SLC7A8: variants seen among roughly 807,000 people sequenced by gnomAD.
SLC7A8 encodes the protein solute carrier family 7 member 8.
SLC7A8 carries 30 observed loss-of-function variants against 51.2 expected under a neutral mutation model. That is an observed-to-expected ratio of 0.59 (90% confidence interval 0.44 to 0.80). The LOEUF is 0.80. Among genes scored for constraint, SLC7A8 ranks in the 30% least tolerant of loss-of-function variants. The probability of loss-of-function intolerance (pLI) is 0.00; values close to 1 mark genes in which losing one functional copy is unlikely to be tolerated. For missense variants in SLC7A8, 612 were observed against 674.4 expected (o/e 0.91, Z 1.03); for synonymous variants, 257 against 275.8 (o/e 0.93, Z 0.67).
chr14:23,131,637 T>C, intron 7 of SLC7A8, 80 bp from the exon 8 acceptor site: 1 of 1,141,484 alleles, frequency 8.8e-7, no homozygotes, highest in Non-Finnish European at 1.2e-6. Flanking sequence ...GCCTACCTTC[T>C]GCCCACACAG....
In SLC7A8 at chr14:23,128,153, A is replaced by G; in HGVS notation, c.1307T>C (p.Phe436Ser). Residue 436 changes from phenylalanine to serine, a missense_variant, in exon 10 of 11, where the codon TTC becomes TCC. Coordinates refer to ENST00000316902, the MANE Select transcript of SLC7A8 (RefSeq NM_012244.4). This position sits in a 1 kb window ranked among gnomAD's most constrained non-coding sequence, Gnocchi z 4.3. ...FPIIYLLFWA[F>S]LLVFSLWSEP... is the part of the protein sequence containing the mutation. ...TGACCACAGGCTGAAGACCAGCAGG[A>G]AGGCCCAGAACAGCAAGTAGATGAT... is the stretch of plus-strand genomic sequence containing the variant. 1 of 1,614,196 alleles carries G rather than the reference A, an allele frequency of 6.2e-7. No individual in the cohort carries two copies. The highest frequency in any genetic ancestry group is 8.5e-7 in the Non-Finnish European group (1 of 1,180,026).
At chr14:23,147,839 C>CA (rs759607295) in intron 3 of SLC7A8, among the ~76,000 whole-genome samples, 9 of 152,196 alleles carry the variant, frequency 5.9e-5, no homozygotes, top group Non-Finnish European at 1.2e-4. Context: ...GAGGAAAACT[C>CA]AGATTCTAGC....
intron 10 of SLC7A8, 108 bp downstream of exon 10, chr14:23,127,911 G>A: frequency 1.1e-6 from 1 of 938,226 alleles, no homozygotes; most frequent in Non-Finnish European, 1.6e-6. Flanking sequence ...GGACTGAGGA[G>A]AAGGTGAGCC....
intron 3 of SLC7A8, among the ~76,000 whole-genome samples, chr14:23,144,746 T>C (rs1214745389): frequency 6.6e-6 from 1 of 152,150 alleles, no homozygotes; most frequent in Non-Finnish European, 1.5e-5. Context: ...AAGATCCAGC[T>C]TAAATGTCAC....
At chr14:23,170,245 T>C (rs1167846133) in intron 1 of SLC7A8, among the ~76,000 whole-genome samples, 1 of 152,202 alleles carries the variant, frequency 6.6e-6, no homozygotes, top group East Asian at 1.9e-4. Flanking sequence ...GTCCTTGGAC[T>C]CCTGGTCCAG....
Position 23,140,542 on chromosome 14 carries a change from A to C in SLC7A8, c.717T>G (p.Leu239=). ...AGCCTCCATAGGCAAAGGAGCCCTGAAGGAAAGCCAGTGCGACGAGGCCGA... is the reference window on the plus strand; with the variant it reads ...AGCCTCCATAGGCAAAGGAGCCCTGCAGGAAAGCCAGTGCGACGAGGCCGA... ...PDIGLVALAF[L]QGSFAYGGWN... Residue 239 remains leucine, a synonymous_variant, in exon 5 of 11, where the codon CTT becomes CTG. Coordinates refer to ENST00000316902, the MANE Select transcript of SLC7A8 (RefSeq NM_012244.4). 6.2e-7 allele frequency: 1 copy of C among 1,614,138 alleles called. No homozygotes were observed. Among genetic ancestry groups the C allele is most frequent in the Non-Finnish European group, 8.5e-7 (1 of 1,179,982 alleles).
chr14:23,156,011 T>C (rs186490176), intron 3 of SLC7A8, among the ~76,000 whole-genome samples: 2 of 152,014 alleles, frequency 1.3e-5, no homozygotes, highest in Non-Finnish European at 2.9e-5. Flanking sequence ...TTCTTTTTTT[T>C]TTTTGAGATG....
At chr14:23,132,950 T>TTA (rs2048653382) in intron 7 of SLC7A8, among the ~76,000 whole-genome samples, 1 of 150,566 alleles carries the variant, frequency 6.6e-6, no homozygotes, top group Non-Finnish European at 1.5e-5. Context: ...ATCTGCTTTT[T>TTA]AAAAAAAAAA....
At chr14:23,139,593 C>A (rs756043313) in intron 5 of SLC7A8, 46 bp from the exon 6 acceptor site, 1 of 1,587,628 alleles carries the variant, frequency 6.3e-7, no homozygotes, top group Non-Finnish European at 8.6e-7. Flanking sequence ...ACCCGGGACA[C>A]CCGCCTTGCC....
At chr14:23,180,206 C>A (rs1024497132) in intron 1 of SLC7A8, among the ~76,000 whole-genome samples, 3 of 152,122 alleles carry the variant, frequency 2.0e-5, no homozygotes, top group Non-Finnish European at 2.9e-5. Flanking sequence ...GCACCCGGCC[C>A]TTTTTTTGCC....
At chr14:23,159,324 A>C (rs968414216) in intron 3 of SLC7A8, among the ~76,000 whole-genome samples, 2 of 152,262 alleles carry the variant, frequency 1.3e-5, no homozygotes, top group African/African-American at 4.8e-5. Context: ...CCATTGAGTA[A>C]AAATCAAGAG....
At chr14:23,138,305 T>C (rs1473639583) in intron 6 of SLC7A8, 1 of 358,720 alleles carries the variant, frequency 2.8e-6, no homozygotes, top group African/African-American at 2.1e-5. Context: ...CTGAGTCACA[T>C]AGTGATTAAG....
intron 1 of SLC7A8, among the ~76,000 whole-genome samples, chr14:23,180,992 A>C (rs1594844271): frequency 6.6e-6 from 1 of 151,984 alleles, no homozygotes; most frequent in Non-Finnish European, 1.5e-5. Context: ...GCGCCACTGC[A>C]CTCCAGCCTG....
intron 9 of SLC7A8, chr14:23,129,402 G>A (rs1453344966): frequency 4.3e-6 from 2 of 465,654 alleles, no homozygotes; most frequent in Non-Finnish European, 7.6e-6. Flanking sequence ...AGGAAACAAA[G>A]GAATGTCATG....
chr14:23,150,773 A>G (rs1353011076), intron 3 of SLC7A8, among the ~76,000 whole-genome samples: 1 of 152,208 alleles, frequency 6.6e-6, no homozygotes. Context: ...AATGGTTTGA[A>G]GGATTTTAGA....
At position 23,155,329 on chromosome 14, in the gene SLC7A8, C is replaced by A; in HGVS notation, c.508+9956G>T. ...GGCACACAGCTTTTACCAAACACTT[C>A]CAGCTAAGCTCCTGCCCATACTGCC... On this transcript the variant is annotated intron_variant, in intron 3 of 10. Transcript: ENST00000316902. The A allele has an allele frequency of 2.6e-6, 4 of 1,535,478 alleles. No homozygotes were observed. The South Asian group carries it at 4.8e-5, about 18-fold the overall frequency.
chr14:23,138,157 GC>G, intron 6 of SLC7A8, 133 bp from the exon 7 acceptor site: 2 of 1,131,988 alleles, frequency 1.8e-6, no homozygotes, highest in Non-Finnish European at 2.5e-6. Flanking sequence ...CTTCTTAATT[GC>G]CCCCACCCTC....
intron 1 of SLC7A8, among the ~76,000 whole-genome samples, chr14:23,170,358 C>T (rs2048969722): frequency 6.6e-6 from 1 of 152,200 alleles, no homozygotes; most frequent in African/African-American, 2.4e-5. Flanking sequence ...TGAGACTTTC[C>T]TGGAGTGGCT....
Position 23,166,253 on chromosome 14 carries a change from C to T in SLC7A8, c.356+83G>A, listed in dbSNP as rs1355434621. 6.7e-6 allele frequency: 10 copies of T among 1,489,322 alleles called. No homozygotes were observed. The Admixed American group carries it at 1.7e-4, about 25-fold the overall frequency. The allele number at this position is 1,489,322 out of a possible 1,614,324, so 92.3% of individuals were successfully genotyped here. ...ACACTGGAGACTGGAAACCCCTGGC[C>T]TTGGCTTTTTCCAATCTGACCTCCT... is the stretch of plus-strand genomic sequence containing the variant. On this transcript the variant is annotated intron_variant, in intron 2 of 10. Transcript: ENST00000316902.
Sources: allele counts gnomAD v4.1 joint callset (sites outside exome capture counted in the v4.1 genomes callset), GRCh38; gene constraint gnomAD v4.1.1; non-coding constraint Gnocchi (gnomAD v3.1); transcripts MANE v1.5; gene names NCBI Gene and HGNC (gene_info 2026-07-23, HGNC 2026-07-21).